Variants in SETBP1 observed in about 807,000 individuals in gnomAD.
SETBP1 encodes the protein SET binding protein 1, also known as SET-binding protein.
Under a neutral mutation model 101.0 loss-of-function variants are expected in SETBP1, and 9 were observed. That is an observed-to-expected ratio of 0.09 (90% confidence interval 0.05 to 0.16). SETBP1 has a LOEUF of 0.16. Among genes scored for constraint, SETBP1 ranks in the 10% least tolerant of loss-of-function variants. SETBP1 has a pLI of 1.00. For synonymous variants in SETBP1, 818 were observed against 788.5 expected, an observed-to-expected ratio of 1.04 and a Z score of -0.63; for missense variants, 1,858 against 2,033.8, an observed-to-expected ratio of 0.91 and a Z score of 1.66.
At chr18:45,053,386 AC>A (rs2073755187) in intron 5 of SETBP1, among the ~76,000 whole-genome samples, 1 of 152,236 alleles carries the variant, frequency 6.6e-6, no homozygotes, top group Non-Finnish European at 1.5e-5. Flanking sequence ...AGGATGTCTT[AC>A]CCAGAGCACA....
intron 2 of SETBP1, among the ~76,000 whole-genome samples, chr18:44,787,848 G>A (rs1194790587): frequency 4.8e-3 from 27 of 5,586 alleles, no homozygotes; most frequent in African/African-American, 0.011. Flanking sequence ...GCGACAGAGC[G>A]AGAGTCCGTC....
At chr18:44,869,739 T>A (rs1483450375) in intron 3 of SETBP1, 1 of 260,872 alleles carries the variant, frequency 3.8e-6, no homozygotes, top group Non-Finnish European at 7.5e-6. Context: ...GGCAGACAGT[T>A]GAGGTTTGCT....
chr18:44,983,183 A>C (rs193002359), intron 4 of SETBP1, among the ~76,000 whole-genome samples: 1 of 152,186 alleles, frequency 6.6e-6, no homozygotes, highest in African/African-American at 2.4e-5. Flanking sequence ...TTTAGTTTAT[A>C]GAATCATAGA....
chr18:44,957,685 T>C (rs1163747775), intron 4 of SETBP1, among the ~76,000 whole-genome samples: 2 of 152,070 alleles, frequency 1.3e-5, no homozygotes, highest in East Asian at 3.9e-4. Context: ...ACTGGCAGGA[T>C]ATGAATGCCC....
At chr18:44,696,330 C>A (rs905602029) in intron 1 of SETBP1, among the ~76,000 whole-genome samples, 3 of 152,086 alleles carry the variant, frequency 2.0e-5, no homozygotes, top group African/African-American at 7.2e-5. Flanking sequence ...AGACCAGGCA[C>A]AGTCTAAGGC....
intron 4 of SETBP1, among the ~76,000 whole-genome samples, chr18:45,016,866 C>CA (rs2072957302): frequency 6.6e-6 from 1 of 151,190 alleles, no homozygotes; most frequent in East Asian, 2.0e-4. Flanking sequence ...TTTTCAGAGC[C>CA]GACTCTGGTA....
At position 45,063,327 on chromosome 18, in the gene SETBP1, G is replaced by A. The variant is rs1313075233; in HGVS notation, c.4420G>A (p.Val1474Met). The change falls in exon 6 of 6, where the codon GTG becomes ATG. Residue 1474 changes from valine (V) to methionine (M), a missense_variant. By Grantham distance (21) the Val-to-Met change is conservative (BLOSUM62 1). Transcript: ENST00000649279. ...TGAGGACTCCAGAGACCAAATGCCG[G>A]TGCTGGAAAAATGCATCGACCTGCC... ...FDEDSRDQMP[V>M]LEKCIDLPSK... The A allele has an allele frequency of 6.3e-7, 1 of 1,597,816 alleles. No individual in the cohort carries two copies. Among genetic ancestry groups the A allele is most frequent in the Non-Finnish European group, 8.5e-7 (1 of 1,172,190 alleles).
Position 45,063,402 on chromosome 18 carries a change from G to T in SETBP1, c.4495G>T (p.Ala1499Ser), listed in dbSNP as rs1173973370. 1.3e-6 allele frequency: 2 copies of T among 1,535,956 alleles called. No individual in the cohort carries two copies. Among genetic ancestry groups the T allele is most frequent in the Admixed American group, 4.0e-5 (2 of 49,476 alleles). Reference protein sequence around the residue: ...PSLSPLVLEPAASQDTIMATI... With the variant: ...PSLSPLVLEPSASQDTIMATI... Reference sequence around the variant, plus strand: ...CCTGAGCCCGCTGGTGCTGGAGCCCGCCGCCAGCCAAGACACCATCATGGC... The same window carrying T: ...CCTGAGCCCGCTGGTGCTGGAGCCCTCCGCCAGCCAAGACACCATCATGGC... The change falls in exon 6 of 6, where the codon GCC (alanine) becomes TCC (serine). Residue 1499 changes from alanine to serine, a missense_variant. Physicochemically the swap from Ala to Ser is moderately conservative, Grantham distance 99. Around this residue, in one of 12 missense-constraint regions of SETBP1, gnomAD observed 178 missense variants for 189.1 expected, o/e 0.94. Transcript: ENST00000649279.
At chr18:44,923,960 G>A (rs1400603785) in intron 3 of SETBP1, among the ~76,000 whole-genome samples, 1 of 152,106 alleles carries the variant, frequency 6.6e-6, no homozygotes, top group Non-Finnish European at 1.5e-5. Context: ...AGGTGTTGAG[G>A]TGCATTTGCA....
intron 2 of SETBP1, among the ~76,000 whole-genome samples, chr18:44,737,768 G>C (rs2070002394): frequency 6.6e-6 from 1 of 152,208 alleles, no homozygotes; most frequent in South Asian, 2.1e-4. Flanking sequence ...CCAGAACAGG[G>C]ATTCTTAGCC....
chr18:45,055,759 G>A (rs529899135), intron 5 of SETBP1, among the ~76,000 whole-genome samples: 1 of 152,084 alleles, frequency 6.6e-6, no homozygotes, highest in East Asian at 1.9e-4. Context: ...TTGAAACTTG[G>A]CAAACCATCC....
At position 45,065,355 on chromosome 18, in the gene SETBP1, A is replaced by G. The variant is rs935885977; in HGVS notation, c.*1657A>G. ...CTGGCATGGTAGATTATAGAAAGAGACACTGAGAGAGAGAATTAAATTTTC... is the reference window on the plus strand; with the variant it reads ...CTGGCATGGTAGATTATAGAAAGAGGCACTGAGAGAGAGAATTAAATTTTC... On this transcript the variant is annotated 3_prime_UTR_variant, in exon 6 of 6. Transcript: ENST00000649279. 2 of 152,210 alleles carry G rather than the reference A, an allele frequency of 1.3e-5. No individual in the cohort carries two copies. The highest frequency in any genetic ancestry group is 6.5e-5 in the Admixed American group (1 of 15,280). The allele number at this position is 152,210 out of a possible 1,614,324, so 9.4% of individuals were successfully genotyped here.
intron 3 of SETBP1, among the ~76,000 whole-genome samples, chr18:44,878,991 A>C (rs2069471653): frequency 6.6e-6 from 1 of 151,846 alleles, no homozygotes; most frequent in Admixed American, 6.6e-5. Context: ...CTCTTCCACC[A>C]CCCTCCAGCT....
chr18:44,738,660 G>A (rs1339956891), intron 2 of SETBP1, among the ~76,000 whole-genome samples: 1 of 151,734 alleles, frequency 6.6e-6, no homozygotes, highest in Non-Finnish European at 1.5e-5. Context: ...TGGAATGCCA[G>A]CTCCTCAGGA....
intron 2 of SETBP1, among the ~76,000 whole-genome samples, chr18:44,738,374 G>A (rs1171488978): frequency 6.6e-6 from 1 of 152,108 alleles, no homozygotes; most frequent in Admixed American, 6.5e-5. Flanking sequence ...GAGCTCCATA[G>A]CCCTGAAAGA....
rs1256820736 is a variant in SETBP1 at position 44,953,188 on chromosome 18, A to C, written c.3848A>C (p.Glu1283Ala). Reference sequence around the variant, plus strand: ...TCAGAGAACCTGGACGTGTTCAGTGAAATGAACCCTTCGAATGACAAGTGG... The same window carrying C: ...TCAGAGAACCTGGACGTGTTCAGTGCAATGAACCCTTCGAATGACAAGTGG... The part of the protein sequence containing the change: ...TRSENLDVFS[E>A]MNPSNDKWDS... The change falls in exon 4 of 6, where the codon GAA (glutamate) becomes GCA (alanine). Residue 1283 changes from glutamate to alanine, a missense_variant. Physicochemically the swap from Glu to Ala is moderately radical, Grantham distance 107. Transcript: ENST00000649279. 1 of 1,614,096 alleles carries C rather than the reference A, an allele frequency of 6.2e-7. No individual in the cohort carries two copies. The highest frequency in any genetic ancestry group is 8.5e-7 in the Non-Finnish European group (1 of 1,180,000).
intron 1 of SETBP1, among the ~76,000 whole-genome samples, chr18:44,700,457 A>G (rs1483084826): frequency 6.6e-6 from 1 of 152,192 alleles, no homozygotes; most frequent in Non-Finnish European, 1.5e-5. Context: ...ATAATGATTA[A>G]ATTTCTCTCT....
chr18:45,047,083 C>T (rs73431727), intron 5 of SETBP1, among the ~76,000 whole-genome samples: 2,958 of 152,266 alleles, frequency 0.019, 97 homozygotes, highest in African/African-American at 0.067. Flanking sequence ...CCTCATGCCA[C>T]AGTCAGACCC....
Position 45,063,171 on chromosome 18 carries a change from T to C in SETBP1, c.4264T>C (p.Ser1422Pro), listed in dbSNP as rs2073915578. The C allele has an allele frequency of 6.2e-7, 1 of 1,613,696 alleles. No homozygotes were observed. The highest frequency in any genetic ancestry group is 8.5e-7 in the Non-Finnish European group (1 of 1,179,950). ...RKMCNYTKIL[S>P]TKKNLDHVNK... is the part of the protein sequence containing the mutation. ...GATGTGCAACTACACCAAGATCCTG[T>C]CCACCAAGAAGAACCTGGACCACGT... The change falls in exon 6 of 6, where the codon TCC becomes CCC. Residue 1422 changes from serine (S) to proline (P), a missense_variant. Ser to Pro is a moderately conservative substitution (Grantham distance 74). Transcript: ENST00000649279.
Sources: gnomAD v4.1 joint callset for allele counts (sites outside exome capture counted in the v4.1 genomes callset) on GRCh38, gnomAD v4.1.1 for gene constraint, gnomAD v4.1.1 regional missense constraint, MANE v1.5 for transcripts, NCBI Gene and HGNC (gene_info 2026-07-23, HGNC 2026-07-21) for gene names.